Variants in LRRFIP1 observed in about 807,000 individuals in gnomAD.
LRRFIP1 encodes the protein LRR binding FLII interacting protein 1.
A neutral mutation model predicts 104.4 loss-of-function variants in LRRFIP1; 62 were observed. That is an observed-to-expected ratio of 0.59 (90% CI 0.48 to 0.73). The LOEUF (loss-of-function observed/expected upper bound fraction) is 0.73, where lower values mean the gene tolerates loss of function less well. LRRFIP1 is among the 30% of genes least tolerant of loss of function. LRRFIP1 has a pLI of 0.00. For synonymous variants in LRRFIP1, 300 were observed against 299.0 expected (o/e 1.00, Z -0.03); for missense variants, 796 against 824.5 (o/e 0.97, Z 0.42).
chr2:237,761,125 A>C (rs2059817149), intron 19 of LRRFIP1, among the ~76,000 whole-genome samples: 1 of 152,146 alleles, frequency 6.6e-6, no homozygotes, highest in Admixed American at 6.5e-5. Context: ...TATTTATGGA[A>C]ATGTAGACAC....
intron 13 of LRRFIP1, among the ~76,000 whole-genome samples, chr2:237,750,529 G>T (rs1274090262): frequency 1.3e-5 from 2 of 151,820 alleles, no homozygotes; most frequent in Non-Finnish European, 2.9e-5. Context: ...TGGAGACGGG[G>T]TTTCGCCATG....
intron 1 of LRRFIP1, among the ~76,000 whole-genome samples, chr2:237,638,271 G>T (rs998744696): frequency 6.6e-6 from 1 of 152,130 alleles, no homozygotes; most frequent in Non-Finnish European, 1.5e-5. Context: ...CATAAGGAGC[G>T]CACAACCTAG....
In LRRFIP1 at chr2:237,717,756, C is replaced by T. The variant is rs200616459; in HGVS notation, c.202-6C>T. Reference sequence around the variant, plus strand: ...TTGCCTAATTTTCTTTCCCTTCTGTCTATAGAAATATTATGGGCTGGATAC... The same window carrying T: ...TTGCCTAATTTTCTTTCCCTTCTGTTTATAGAAATATTATGGGCTGGATAC... On this transcript the variant is annotated splice_region_variant and splice_polypyrimidine_tract_variant and intron_variant, in intron 3 of 23. Coordinates refer to ENST00000308482, the MANE Select transcript of LRRFIP1 (RefSeq NM_001137550.2). The surrounding 1 kb of genome is among the most constrained non-coding windows in gnomAD (Gnocchi z 4.2). 2.5e-6 allele frequency: 4 copies of T among 1,607,190 alleles called. No individual in the cohort carries two copies. The highest frequency in any genetic ancestry group is 2.2e-5 in the South Asian group (2 of 90,962).
intron 1 of LRRFIP1, among the ~76,000 whole-genome samples, chr2:237,673,658 G>A (rs6725051): frequency 6.6e-6 from 1 of 152,056 alleles, no homozygotes; most frequent in Non-Finnish European, 1.5e-5. Context: ...CCGTGTTTGT[G>A]GATGGAATGA....
chr2:237,702,618 G>A (rs930187395), intron 1 of LRRFIP1, among the ~76,000 whole-genome samples: 1 of 152,202 alleles, frequency 6.6e-6, no homozygotes, highest in African/African-American at 2.4e-5. Flanking sequence ...GCAGCAGAAA[G>A]CATGAGTTTT....
chr2:237,635,299 G>A (rs1001238369), intron 1 of LRRFIP1, among the ~76,000 whole-genome samples: 1 of 152,144 alleles, frequency 6.6e-6, no homozygotes, highest in Admixed American at 6.5e-5. Context: ...AGTAAGTATT[G>A]TTAATTGGAA....
Position 237,735,244 on chromosome 2 carries a change from C to T in LRRFIP1, c.490-24C>T, listed in dbSNP as rs566733521. The T allele has an allele frequency of 1.6e-4, 262 of 1,608,528 alleles. 1 individual carries two copies. In the South Asian group the frequency reaches 2.0e-3, roughly 12 times the overall value. ...TCTTGGAGAAAGGAAGAGCGCCCAT[C>T]CTGACAGTCTCTTTTGGTCGCAGGC... On this transcript the variant is annotated intron_variant, in intron 9 of 23. Coordinates refer to ENST00000308482, the MANE Select transcript of LRRFIP1 (RefSeq NM_001137550.2). This position sits in a 1 kb window ranked among gnomAD's most constrained non-coding sequence, Gnocchi z 4.6.
In LRRFIP1 at chr2:237,781,463, C is replaced by T. The variant is rs1213811603; in HGVS notation, c.*1931C>T. 1.3e-5 allele frequency among the ~76,000 whole-genome samples: 2 copies of T among 152,176 alleles called. No individual in the cohort carries two copies. Among genetic ancestry groups the T allele is most frequent in the African/African-American group, 4.8e-5 (2 of 41,436 alleles). On this transcript the variant is annotated 3_prime_UTR_variant, in exon 24 of 24. Transcript: ENST00000308482. ...ATCGATTCCCAGGTGTCTCACAGCC[C>T]TGAGAAGATGGCGTTTTCCCTATCA...
chr2:237,635,185 T>C (rs1322573536), intron 1 of LRRFIP1, among the ~76,000 whole-genome samples: 3 of 152,258 alleles, frequency 2.0e-5, no homozygotes, highest in East Asian at 1.9e-4. Context: ...ATGTCTTTAT[T>C]CTACATTCAT....
chr2:237,749,334 T>C lies in LRRFIP1; in HGVS notation c.795+10T>C, dbSNP rs774748908. The C allele has an allele frequency of 2.7e-5, 44 of 1,612,776 alleles. No homozygotes were observed. Among genetic ancestry groups the C allele is most frequent in the Middle Eastern group, 1.7e-4 (1 of 6,046 alleles). Reference sequence around the variant, plus strand: ...CATCAGGGAAATCAAGGTGAGATGCTCTCTTCTTACTGACAACTTGAGAGA... The same window carrying C: ...CATCAGGGAAATCAAGGTGAGATGCCCTCTTCTTACTGACAACTTGAGAGA... On this transcript the variant is annotated intron_variant, in intron 13 of 23. Coordinates refer to ENST00000308482, the MANE Select transcript of LRRFIP1 (RefSeq NM_001137550.2).
chr2:237,767,998 CTT>C (rs747440292), intron 19 of LRRFIP1, among the ~76,000 whole-genome samples: 10 of 152,178 alleles, frequency 6.6e-5, no homozygotes, highest in African/African-American at 9.7e-5. Flanking sequence ...TACTGCCTCT[CTT>C]AAATATTTTT....
In LRRFIP1 at chr2:237,627,639, C is replaced by T. The variant is rs2081736011; in HGVS notation, c.-6C>T. 1.5e-6 allele frequency: 2 copies of T among 1,313,770 alleles called. No homozygotes were observed. The highest frequency in any genetic ancestry group is 3.6e-5 in the South Asian group (2 of 55,186). The allele number at this position is 1,313,770 out of a possible 1,614,324, so 81.4% of individuals were successfully genotyped here. On this transcript the variant is annotated 5_prime_UTR_variant, in exon 1 of 24. Transcript: ENST00000308482. ...GGCCCCGCGGCAGCTGCGGGCGACG[C>T]GGTCGATGGACATGGGCACCCAGGG... is the stretch of plus-strand genomic sequence containing the variant.
At chr2:237,731,849 C>T (rs1350065539) in intron 8 of LRRFIP1, among the ~76,000 whole-genome samples, 2 of 152,160 alleles carry the variant, frequency 1.3e-5, no homozygotes, top group Non-Finnish European at 2.9e-5. Flanking sequence ...CATGTGAACT[C>T]GCCCTGAGCC....
chr2:237,668,354 G>A (rs1192272415), intron 1 of LRRFIP1, among the ~76,000 whole-genome samples: 1 of 152,134 alleles, frequency 6.6e-6, no homozygotes, highest in Middle Eastern at 3.2e-3. Flanking sequence ...CGTCACAGCT[G>A]TCCCTGTGCC....
intron 1 of LRRFIP1, among the ~76,000 whole-genome samples, chr2:237,631,205 A>C (rs10177524): frequency 0.025 from 3,828 of 152,232 alleles, 182 homozygotes; most frequent in African/African-American, 0.087. Context: ...CCTTCTGGAG[A>C]GTAAGTGGAA....
chr2:237,641,459 T>C lies in LRRFIP1; in HGVS notation c.96+13719T>C, dbSNP rs189598814. Among the ~76,000 whole-genome samples the C allele has an allele frequency of 4.8e-4, 71 of 148,174 alleles. 1 individual carries two copies. In the East Asian group the frequency reaches 9.3e-3, roughly 19 times the overall value. On this transcript the variant is annotated intron_variant, in intron 1 of 23. Transcript: ENST00000308482. ...TTGCAATGAGCTGAGATTGTGCCATTGCACTCCAGCCTGGGCAACAGAGTA... is the reference window on the plus strand; with the variant it reads ...TTGCAATGAGCTGAGATTGTGCCATCGCACTCCAGCCTGGGCAACAGAGTA...
Position 237,753,227 on chromosome 2 carries a change from G to A in LRRFIP1, c.868-82G>A, listed in dbSNP as rs1010867683. On this transcript the variant is annotated intron_variant, in intron 14 of 23. Coordinates refer to ENST00000308482, the MANE Select transcript of LRRFIP1 (RefSeq NM_001137550.2). ...ATATAGTCTAAGTTTAGGACTGAGG[G>A]TTTTTTTTTAACAGAATACTGAATG... 5 of 1,087,300 alleles carry A rather than the reference G, an allele frequency of 4.6e-6. No homozygotes were observed. In the African/African-American group the frequency reaches 5.0e-5, roughly 11 times the overall value. 67.4% of individuals were successfully genotyped at this position (1,087,300 alleles called of 1,614,324 possible). A position where few individuals can be genotyped will look rare whatever the true frequency, so the allele number is the denominator to read the frequency against.
intron 1 of LRRFIP1, among the ~76,000 whole-genome samples, chr2:237,648,912 G>A (rs2149375930): frequency 6.6e-6 from 1 of 152,060 alleles, no homozygotes; most frequent in African/African-American, 2.4e-5. Flanking sequence ...TTTTCAGGAT[G>A]TTTTCCTTCT....
chr2:237,633,063 T>C (rs138642650), intron 1 of LRRFIP1, among the ~76,000 whole-genome samples: 22 of 152,044 alleles, frequency 1.4e-4, no homozygotes, highest in East Asian at 7.7e-4. Flanking sequence ...TCCACAGGAG[T>C]TGGGAGAGGT....
Sources: gnomAD v4.1 joint callset for allele counts (sites outside exome capture counted in the v4.1 genomes callset) on GRCh38, gnomAD v4.1.1 for gene constraint, Gnocchi (gnomAD v3.1) non-coding constraint, MANE v1.5 for transcripts, NCBI Gene and HGNC (gene_info 2026-07-23, HGNC 2026-07-21) for gene names.